Variants in C3orf22 observed in about 807,000 individuals in gnomAD.
The protein encoded by C3orf22 is uncharacterized protein C3orf22.
Under a neutral mutation model 10.8 loss-of-function variants are expected in C3orf22, and 7 were observed. That is an observed-to-expected ratio of 0.65 (90% CI 0.37 to 1.22). The LOEUF is 1.22. Ranked by LOEUF, C3orf22 falls within the 50% of genes most tolerant of loss-of-function variation. The pLI is 0.02. For synonymous variants in C3orf22, 79 were observed against 78.9 expected (o/e 1.00, Z 0.00); for missense variants, 173 against 177.0 (o/e 0.98, Z 0.13).
At chr3:126,552,335 T>C (rs1937210588) in intron 2 of C3orf22, among the ~76,000 whole-genome samples, 1 of 152,038 alleles carries the variant, frequency 6.6e-6, no homozygotes, top group South Asian at 2.1e-4. Context: ...AGCCAGGAGG[T>C]GGGAACTAAG....
intron 4 of C3orf22, among the ~76,000 whole-genome samples, chr3:126,529,839 C>T (rs189814014): frequency 2.6e-5 from 4 of 152,350 alleles, no homozygotes; most frequent in South Asian, 2.1e-4. Context: ...AAGCAGTCAC[C>T]GCGTGGCTTT....
chr3:126,543,533 C>G (rs1349511926), intron 4 of C3orf22, among the ~76,000 whole-genome samples: 1 of 152,172 alleles, frequency 6.6e-6, no homozygotes, highest in Non-Finnish European at 1.5e-5. Flanking sequence ...GCACTGACAA[C>G]TTGGGGAAAA....
intron 4 of C3orf22, among the ~76,000 whole-genome samples, chr3:126,538,191 A>G (rs938534882): frequency 1.3e-5 from 2 of 152,236 alleles, no homozygotes; most frequent in Admixed American, 1.3e-4. Flanking sequence ...GTTAGTGCCC[A>G]TTCCTGAGCT....
chr3:126,551,294 A>C (rs1417435499), intron 3 of C3orf22, among the ~76,000 whole-genome samples: 1 of 152,132 alleles, frequency 6.6e-6, no homozygotes, highest in African/African-American at 2.4e-5. Context: ...GGGCCAGGGC[A>C]TCAGTGGGGC....
At chr3:126,552,819 C>T (rs1205964741) in intron 2 of C3orf22, among the ~76,000 whole-genome samples, 1 of 152,242 alleles carries the variant, frequency 6.6e-6, no homozygotes, top group Non-Finnish European at 1.5e-5. Flanking sequence ...CTGCCCTGCG[C>T]CCCAGGCATT....
At position 126,539,730 on chromosome 3, in the gene C3orf22, CCA is replaced by C. The variant is rs1245921759; in HGVS notation, c.286+9805_286+9806del. 6.0e-5 allele frequency among the ~76,000 whole-genome samples: 6 copies of C among 100,728 alleles called. No homozygotes were observed. The South Asian group carries it at 1.8e-3, about 31-fold the overall frequency. The allele number at this position is 100,728 out of a possible 152,430, so 66.1% of individuals were successfully genotyped here. A position where few individuals can be genotyped will look rare whatever the true frequency, so the allele number is the denominator to read the frequency against. On this transcript the variant is annotated intron_variant and NMD_transcript_variant, in intron 4 of 5. Transcript: ENST00000505070. ...ACATATGCCACACACACCCCCCACA[CCA>C]CACACACACCCCACACCACACACTC...
At chr3:126,552,987 A>C (rs1937233766) in intron 2 of C3orf22, among the ~76,000 whole-genome samples, 1 of 152,224 alleles carries the variant, frequency 6.6e-6, no homozygotes, top group Non-Finnish European at 1.5e-5. Context: ...GGTGCCCAGC[A>C]CACCAATTCC....
At chr3:126,551,847 G>T in intron 3 of C3orf22, 150 bp downstream of exon 3, 1 of 846,370 alleles carries the variant, frequency 1.2e-6, no homozygotes, top group Non-Finnish European at 1.8e-6. Context: ...TCAGGCTTTA[G>T]CATCCCCCTT....
At chr3:126,546,740 G>A (rs111677913), downstream of C3orf22, among the ~76,000 whole-genome samples, 520 of 152,226 alleles carry the variant, frequency 3.4e-3, 5 homozygotes, top group African/African-American at 0.012. Flanking sequence ...TGTTTGCTAC[G>A]GTGGTCCCAG....
At chr3:126,551,764 G>A (rs1283140963) in intron 3 of C3orf22, among the ~76,000 whole-genome samples, 1 of 152,228 alleles carries the variant, frequency 6.6e-6, no homozygotes, top group Non-Finnish European at 1.5e-5. Context: ...GCCTAACCCC[G>A]GTGGCCTGGG....
intron 4 of C3orf22, chr3:126,542,091 T>C (rs1243489813): frequency 2.5e-6 from 4 of 1,583,502 alleles, no homozygotes; most frequent in Non-Finnish European, 3.4e-6. Flanking sequence ...TTCGAGCGCC[T>C]GGCATCGGCT....
chr3:126,558,236 G>A (rs775097534), intron 1 of C3orf22, among the ~76,000 whole-genome samples: 34 of 152,196 alleles, frequency 2.2e-4, no homozygotes, highest in Admixed American at 8.5e-4. Context: ...CTGAGGCTCC[G>A]GAAAGTTAAC....
intron 4 of C3orf22, among the ~76,000 whole-genome samples, chr3:126,530,056 G>C (rs1221564010): frequency 2.0e-5 from 3 of 152,206 alleles, no homozygotes; most frequent in Non-Finnish European, 4.4e-5. Flanking sequence ...CCTGTTTGGG[G>C]CCAGCCCCCA....
intron 4 of C3orf22, among the ~76,000 whole-genome samples, chr3:126,533,550 A>G (rs1936702350): frequency 6.6e-6 from 1 of 152,178 alleles, no homozygotes; most frequent in Non-Finnish European, 1.5e-5. Context: ...TATTTAGCCA[A>G]TCTTGCATTC....
intron 4 of C3orf22, chr3:126,529,419 C>T (rs746059263): frequency 4.7e-5 from 61 of 1,287,076 alleles, no homozygotes; most frequent in Non-Finnish European, 6.1e-5. Flanking sequence ...AGGGGGCACC[C>T]AGAGGCAGGG....
chr3:126,541,644 C>T, intron 4 of C3orf22: 1 of 1,251,110 alleles, frequency 8.0e-7, no homozygotes. Context: ...GCTCCCAATT[C>T]CCGGGCGCAT....
At chr3:126,557,756 G>A (rs1237023003) in intron 1 of C3orf22, among the ~76,000 whole-genome samples, 1 of 152,208 alleles carries the variant, frequency 6.6e-6, no homozygotes, top group East Asian at 1.9e-4. Flanking sequence ...TGCCAGCCCT[G>A]CTCACGACCT....
intron 1 of C3orf22, among the ~76,000 whole-genome samples, chr3:126,558,384 G>A (rs1385474719): frequency 6.6e-6 from 1 of 152,166 alleles, no homozygotes; most frequent in African/African-American, 2.4e-5. Context: ...GGGATCAAGG[G>A]AGACAGGAGC....
At chr3:126,542,189 C>T in intron 4 of C3orf22, 1 of 1,442,006 alleles carries the variant, frequency 6.9e-7, no homozygotes, top group South Asian at 1.4e-5. Context: ...GCCGCGCGCG[C>T]TCCCCGACGC....
Sources: allele counts gnomAD v4.1 joint callset (sites outside exome capture counted in the v4.1 genomes callset), GRCh38; gene constraint gnomAD v4.1.1; transcripts MANE v1.5; gene names NCBI Gene and HGNC (gene_info 2026-07-23, HGNC 2026-07-21).